KCNN2: variants seen among roughly 807,000 people sequenced by gnomAD.
The protein encoded by KCNN2 is potassium calcium-activated channel subfamily N member 2.
A neutral mutation model predicts 55.5 loss-of-function variants in KCNN2; 24 were observed. That is an observed-to-expected ratio of 0.43 (90% CI 0.31 to 0.61). The LOEUF (loss-of-function observed/expected upper bound fraction) is 0.61, where lower values mean the gene tolerates loss of function less well. Ranked by LOEUF, KCNN2 falls within the 20% of genes least tolerant of loss-of-function variation. The pLI, the probability that KCNN2 is intolerant of heterozygous loss-of-function variation, is 0.08. For synonymous variants in KCNN2, 431 were observed against 336.1 expected (o/e 1.28, Z -3.09); for missense variants, 754 against 853.6 (o/e 0.88, Z 1.45).
At chr5:114,267,441 G>C (rs1755233321) in intron 2 of KCNN2, among the ~76,000 whole-genome samples, 1 of 152,044 alleles carries the variant, frequency 6.6e-6, no homozygotes, top group African/African-American at 2.4e-5. Flanking sequence ...GGGAACTTTT[G>C]AGTATCAGTT....
At chr5:114,218,480 A>T (rs377292353) in intron 1 of KCNN2, among the ~76,000 whole-genome samples, 1 of 152,218 alleles carries the variant, frequency 6.6e-6, no homozygotes, top group Admixed American at 6.5e-5. Context: ...AAACTGAAGA[A>T]TCCATCTTCA....
At chr5:114,331,960 GT>G (rs1360948623) in intron 2 of KCNN2, among the ~76,000 whole-genome samples, 1 of 152,132 alleles carries the variant, frequency 6.6e-6, no homozygotes, top group East Asian at 1.9e-4. Flanking sequence ...GATGTGGAGA[GT>G]TTAGTTGGAA....
chr5:114,105,732 A>G (rs964884771), intron 1 of KCNN2, among the ~76,000 whole-genome samples: 4 of 150,648 alleles, frequency 2.7e-5, no homozygotes, highest in Non-Finnish European at 4.4e-5. Context: ...ATTTTCAGGA[A>G]TTAAAGTTAG....
Position 114,124,474 on chromosome 5 carries a change from C to G in KCNN2, c.-271+67974C>G, listed in dbSNP as rs138744181. Among the ~76,000 whole-genome samples the G allele has an allele frequency of 5.7e-3, 870 of 152,224 alleles. 6 individuals carry two copies. Among genetic ancestry groups the G allele is most frequent in the Non-Finnish European group, 8.8e-3 (601 of 68,012 alleles). ...GCCTCAAAAACCATGATCTGCCCCC[C>G]CTGGAATTTCCTGTGGGTGGTGAAG... On this transcript the variant is annotated intron_variant, in intron 1 of 10. Coordinates refer to the KCNN2 transcript ENST00000512097.
intron 2 of KCNN2, among the ~76,000 whole-genome samples, chr5:114,224,871 G>A (rs868330819): frequency 3.0e-4 from 46 of 152,128 alleles, no homozygotes; most frequent in African/African-American, 1.1e-3. Flanking sequence ...CATGTCTTTC[G>A]CCCATTTTTT....
chr5:114,114,250 G>A (rs1317913150), intron 1 of KCNN2, among the ~76,000 whole-genome samples: 1 of 152,020 alleles, frequency 6.6e-6, no homozygotes, highest in Non-Finnish European at 1.5e-5. Context: ...TTTTTTTAGA[G>A]ACAGGTCTCA....
At chr5:114,329,563 C>T (rs781221473) in intron 2 of KCNN2, among the ~76,000 whole-genome samples, 18 of 152,214 alleles carry the variant, frequency 1.2e-4, no homozygotes, top group Admixed American at 2.6e-4. Context: ...TTCGGGCCTT[C>T]GGTCACAGAC....
At chr5:114,461,906 C>T (rs1042333775) in intron 3 of KCNN2, among the ~76,000 whole-genome samples, 4 of 152,034 alleles carry the variant, frequency 2.6e-5, no homozygotes, top group Admixed American at 6.6e-5. Context: ...ATGATGAGTA[C>T]CGCGCAATTA....
intron 1 of KCNN2, among the ~76,000 whole-genome samples, chr5:114,091,085 C>G (rs1751134356): frequency 6.6e-6 from 1 of 152,148 alleles, no homozygotes. Flanking sequence ...AGTGATCTAC[C>G]TGCCTTGGCC....
At chr5:114,303,263 T>G (rs2150023198) in intron 2 of KCNN2, among the ~76,000 whole-genome samples, 1 of 152,360 alleles carries the variant, frequency 6.6e-6, no homozygotes, top group Admixed American at 6.5e-5. Flanking sequence ...TCAGCAAGGC[T>G]TTATGATAGG....
At chr5:114,271,184 T>A (rs966190832) in intron 2 of KCNN2, among the ~76,000 whole-genome samples, 1 of 152,112 alleles carries the variant, frequency 6.6e-6, no homozygotes, top group East Asian at 1.9e-4. Flanking sequence ...GAGTGCTGAT[T>A]CGTGCGTTTA....
intron 3 of KCNN2, among the ~76,000 whole-genome samples, chr5:114,436,357 G>A (rs986808803): frequency 1.3e-5 from 2 of 152,102 alleles, no homozygotes; most frequent in Non-Finnish European, 2.9e-5. Flanking sequence ...TTGGATTTTA[G>A]TGTATAATCA....
At chr5:114,149,475 C>T (rs1752471179) in intron 1 of KCNN2, among the ~76,000 whole-genome samples, 1 of 152,120 alleles carries the variant, frequency 6.6e-6, no homozygotes, top group Admixed American at 6.5e-5. Flanking sequence ...CCAGGGGGGT[C>T]ACTGCCTTCT....
intron 2 of KCNN2, among the ~76,000 whole-genome samples, chr5:114,366,948 T>G (rs1192888587): frequency 6.6e-6 from 1 of 152,242 alleles, no homozygotes; most frequent in South Asian, 2.1e-4. Flanking sequence ...AATCAGATAG[T>G]AAAAGCTCGC....
intron 3 of KCNN2, among the ~76,000 whole-genome samples, chr5:114,424,572 C>T (rs1384819845): frequency 6.6e-6 from 1 of 152,146 alleles, no homozygotes; most frequent in African/African-American, 2.4e-5. Context: ...ATAAATGCTG[C>T]TCATATTTTA....
chr5:114,123,351 ATTTTTTTTTTTTT>A lies in KCNN2; in HGVS notation c.-271+66868_-271+66880del, dbSNP rs1172994171. On this transcript the variant is annotated intron_variant, in intron 1 of 10. Transcript: ENST00000512097. The stretch of plus-strand genomic sequence containing the variant: ...ATACTGTAAGAGGTACATTTTCTTA[ATTTTTTTTTTTTT>A]TTTTTTTTTTTTTTTTGAGACAGAG... 1.5e-4 allele frequency among the ~76,000 whole-genome samples: 10 copies of A among 65,018 alleles called. 4 individuals are homozygous for A. Among genetic ancestry groups the A allele is most frequent in the African/African-American group, 3.0e-4 (4 of 13,128 alleles). 42.7% of individuals were successfully genotyped at this position (65,018 alleles called of 152,430 possible).
intron 1 of KCNN2, among the ~76,000 whole-genome samples, chr5:114,158,469 T>A (rs1168599476): frequency 6.6e-6 from 1 of 152,146 alleles, no homozygotes; most frequent in East Asian, 1.9e-4. Flanking sequence ...TGGCTTAGGA[T>A]TGACTTGGCA....
intron 3 of KCNN2, among the ~76,000 whole-genome samples, chr5:114,435,846 C>G (rs942749994): frequency 6.6e-6 from 1 of 152,026 alleles, no homozygotes; most frequent in Non-Finnish European, 1.5e-5. Context: ...TAAAGTGAAA[C>G]TATATTTTGG....
At chr5:114,107,264 G>C (rs551416025) in intron 1 of KCNN2, among the ~76,000 whole-genome samples, 2 of 151,376 alleles carry the variant, frequency 1.3e-5, no homozygotes, top group African/African-American at 4.8e-5. Flanking sequence ...GTCTATTTTT[G>C]AGCCAGTACC....
Sources: gnomAD v4.1 joint callset for allele counts (sites outside exome capture counted in the v4.1 genomes callset) on GRCh38, gnomAD v4.1.1 for gene constraint, MANE v1.5 for transcripts, NCBI Gene and HGNC (gene_info 2026-07-23, HGNC 2026-07-21) for gene names.